Variants in LCP1 observed in about 807,000 individuals in gnomAD.
LCP1 encodes the protein lymphocyte cytosolic protein 1.
In LCP1, 23 loss-of-function variants were observed where a neutral mutation model predicts 72.0. That is an observed-to-expected ratio of 0.32 (90% CI 0.23 to 0.45). The LOEUF (loss-of-function observed/expected upper bound fraction) is 0.45. LCP1 is among the 20% of genes least tolerant of loss of function. LCP1 has a pLI of 1.00. For missense variants in LCP1, 571 were observed against 748.3 expected, an observed-to-expected ratio of 0.76 and a Z score of 2.76; for synonymous variants, 245 against 275.4, an observed-to-expected ratio of 0.89 and a Z score of 1.09.
At chr13:46,128,600 A>G (rs950954051) in intron 15 of LCP1, among the ~76,000 whole-genome samples, 4 of 143,892 alleles carry the variant, frequency 2.8e-5, no homozygotes, top group Non-Finnish European at 4.5e-5. Flanking sequence ...TCCGTCTCAG[A>G]AAAAAAAAAA....
chr13:46,159,180 T>C (rs1237524339), intron 2 of LCP1, 191 bp from the exon 3 acceptor site: 1 of 587,128 alleles, frequency 1.7e-6, no homozygotes, highest in Non-Finnish European at 3.0e-6. Flanking sequence ...AGCATTACTT[T>C]CAACATCCAC....
chr13:46,176,900 T>C (rs113043314), intron 1 of LCP1, among the ~76,000 whole-genome samples: 5,814 of 139,654 alleles, frequency 0.042, 180 homozygotes, highest in Middle Eastern at 0.11. Flanking sequence ...TGTGTGTGTG[T>C]GTGAGAGAGC....
chr13:46,141,353 C>T (rs902224503), intron 13 of LCP1, among the ~76,000 whole-genome samples: 2 of 133,310 alleles, frequency 1.5e-5, no homozygotes, highest in African/African-American at 5.9e-5. Context: ...TTGCAGTGAG[C>T]CAAGATCACA....
intron 10 of LCP1, among the ~76,000 whole-genome samples, chr13:46,145,627 A>AAATGGGAT (rs774045993): frequency 1.5e-5 from 2 of 135,146 alleles, no homozygotes; most frequent in African/African-American, 3.0e-5. Flanking sequence ...AAAAGAGGGC[A>AAATGGGAT]GGCCGGGCGC....
chr13:46,162,324 T>C (rs554486444), intron 1 of LCP1, among the ~76,000 whole-genome samples: 50 of 129,482 alleles, frequency 3.9e-4, no homozygotes, highest in African/African-American at 1.4e-3. Context: ...TCTCCCTCTC[T>C]TTCCACGTTC....
At chr13:46,159,054 G>A in intron 2 of LCP1, 65 bp from the exon 3 acceptor site, 1 of 1,489,108 alleles carries the variant, frequency 6.7e-7, no homozygotes, top group Non-Finnish European at 9.3e-7. Context: ...GAGAGGTGAG[G>A]GAAGACTAGA....
At chr13:46,130,960 G>T (rs189956273) in intron 14 of LCP1, 22 bp from the exon 15 acceptor site, 82 of 1,561,320 alleles carry the variant, frequency 5.3e-5, no homozygotes, top group Admixed American at 1.7e-4. Context: ...CACAGGGAGG[G>T]TTTCATCAAC....
chr13:46,139,901 G>A (rs1264883247), intron 13 of LCP1, among the ~76,000 whole-genome samples: 1 of 152,140 alleles, frequency 6.6e-6, no homozygotes, highest in Non-Finnish European at 1.5e-5. Context: ...TGGAATAACA[G>A]GGCCCACATT....
chr13:46,144,579 C>T, intron 10 of LCP1, 59 bp from the exon 11 acceptor site: 2 of 1,199,256 alleles, frequency 1.7e-6, no homozygotes, highest in South Asian at 1.2e-5. Context: ...TTTTTTATGA[C>T]CAAAGTTTAA....
At chr13:46,180,003 C>T (rs1281268942) in intron 1 of LCP1, among the ~76,000 whole-genome samples, 1 of 152,086 alleles carries the variant, frequency 6.6e-6, no homozygotes, top group Admixed American at 6.5e-5. Context: ...CTCTTGCTCT[C>T]TCTCTTTTAT....
At chr13:46,176,832 TGTGA>T (rs912427979) in intron 1 of LCP1, among the ~76,000 whole-genome samples, 28 of 152,104 alleles carry the variant, frequency 1.8e-4, no homozygotes, top group South Asian at 2.1e-4. Context: ...AGAAGGAGTG[TGTGA>T]GTGAGTGTGT....
intron 1 of LCP1, among the ~76,000 whole-genome samples, chr13:46,176,200 G>A (rs73474488): frequency 0.034 from 5,110 of 152,176 alleles, 279 homozygotes; most frequent in African/African-American, 0.12. Flanking sequence ...GAAGAGAGGC[G>A]ATTGAATGTT....
At chr13:46,134,095 G>A (rs9595416) in intron 14 of LCP1, 32 bp downstream of exon 14, 1 of 1,610,276 alleles carries the variant, frequency 6.2e-7, no homozygotes, top group Admixed American at 1.7e-5. Context: ...ATAGAGCTCA[G>A]ATGGCCTCTA....
intron 6 of LCP1, among the ~76,000 whole-genome samples, chr13:46,153,817 T>C (rs1025350187): frequency 2.6e-5 from 4 of 152,220 alleles, no homozygotes; most frequent in Non-Finnish European, 5.9e-5. Flanking sequence ...CTAGGGAACC[T>C]GAGTATACAC....
intron 1 of LCP1, among the ~76,000 whole-genome samples, chr13:46,174,136 T>TACAAATA (rs2045916827): frequency 6.6e-6 from 1 of 152,230 alleles, no homozygotes; most frequent in Non-Finnish European, 1.5e-5. Context: ...CAAGCAATGA[T>TACAAATA]AACAGAAACT....
At chr13:46,128,164 A>G (rs1320257757) in intron 15 of LCP1, among the ~76,000 whole-genome samples, 2 of 152,252 alleles carry the variant, frequency 1.3e-5, no homozygotes, top group Non-Finnish European at 2.9e-5. Context: ...TACTCACACC[A>G]GGAGTATTCT....
intron 14 of LCP1, among the ~76,000 whole-genome samples, chr13:46,131,962 T>A (rs773707722): frequency 6.6e-6 from 1 of 151,218 alleles, no homozygotes; most frequent in Non-Finnish European, 1.5e-5. Context: ...CATCACACAA[T>A]ATACCCTTGT....
At chr13:46,132,443 G>A (rs1180770651) in intron 14 of LCP1, among the ~76,000 whole-genome samples, 3 of 152,116 alleles carry the variant, frequency 2.0e-5, no homozygotes, top group Non-Finnish European at 4.4e-5. Flanking sequence ...ACAATTACTA[G>A]CCATACTCTT....
At chr13:46,153,203 T>A (rs1270994335) in intron 6 of LCP1, 1 of 301,346 alleles carries the variant, frequency 3.3e-6, no homozygotes, top group Non-Finnish European at 6.2e-6. Context: ...CTGGTTGGCA[T>A]GAGACTGATG....
Sources: allele counts gnomAD v4.1 joint callset (sites outside exome capture counted in the v4.1 genomes callset), GRCh38; gene constraint gnomAD v4.1.1; transcripts MANE v1.5; gene names NCBI Gene and HGNC (gene_info 2026-07-23, HGNC 2026-07-21).